TMED8: variants seen among roughly 807,000 people sequenced by gnomAD.
TMED8 encodes transmembrane p24 trafficking protein family member 8, also known as protein TMED8.
In TMED8, 15 loss-of-function variants were observed where a neutral mutation model predicts 32.7. That is an observed-to-expected ratio of 0.46 (90% CI 0.31 to 0.71). The LOEUF (loss-of-function observed/expected upper bound fraction) is 0.71, where lower values mean the gene tolerates loss of function less well. Among genes scored for constraint, TMED8 ranks in the 30% least tolerant of loss-of-function variants. The pLI is 0.06. For missense variants in TMED8, 390 were observed against 423.9 expected (o/e 0.92, Z 0.70); for synonymous variants, 147 against 161.4 (o/e 0.91, Z 0.68).
chr14:77,343,912 T>C, intron 3 of TMED8, 89 bp from the exon 4 acceptor site: 3 of 1,399,856 alleles, frequency 2.1e-6, no homozygotes, highest in Non-Finnish European at 1.9e-6. Flanking sequence ...ACCCCTGCTC[T>C]ATTATCTCCA....
In TMED8 at chr14:77,376,860, C is replaced by T. The variant is rs1893830628; in HGVS notation, c.118+76G>A. On this transcript the variant is annotated intron_variant, in intron 1 of 5. Transcript: ENST00000216468. The surrounding 1 kb of genome is among the most constrained non-coding windows in gnomAD (Gnocchi z 4.0). ...CCGCGGGGAAGCCCAGGACAGAGCG[C>T]GGCGGAGGCTCGCGCCGTGGTGCGG... 3.1e-6 allele frequency: 3 copies of T among 969,494 alleles called. No individual in the cohort carries two copies. Among genetic ancestry groups the T allele is most frequent in the South Asian group, 2.3e-5 (1 of 43,104 alleles). The allele number at this position is 969,494 out of a possible 1,614,324, so 60.1% of individuals were successfully genotyped here.
chr14:77,360,323 T>C (rs1357552019), intron 1 of TMED8, among the ~76,000 whole-genome samples: 3 of 152,090 alleles, frequency 2.0e-5, no homozygotes, highest in South Asian at 2.1e-4. Context: ...TCCTTTGACC[T>C]ACACCTCCCC....
intron 1 of TMED8, among the ~76,000 whole-genome samples, chr14:77,357,792 C>T (rs545359566): frequency 6.6e-6 from 1 of 152,268 alleles, no homozygotes; most frequent in South Asian, 2.1e-4. Context: ...TTGGAATCAA[C>T]TATTTCTCTA....
rs142204013 is a variant in TMED8 at position 77,339,441 on chromosome 14, A to G, written c.*2330T>C. On this transcript the variant is annotated 3_prime_UTR_variant, in exon 6 of 6. Coordinates refer to ENST00000216468, the MANE Select transcript of TMED8 (RefSeq NM_213601.3). ...AATCTCATGGTGAAAATAAATAATA[A>G]CAAGTGTTATCCTTGGGAGCTTGCT... is the stretch of plus-strand genomic sequence containing the variant. The G allele has an allele frequency of 1.3e-5, 2 of 152,340 alleles. No individual in the cohort carries two copies. Among genetic ancestry groups the G allele is most frequent in the Admixed American group, 1.3e-4 (2 of 15,314 alleles). 9.4% of individuals were successfully genotyped at this position (152,340 alleles called of 1,614,324 possible). A position where few individuals can be genotyped will look rare whatever the true frequency, so the allele number is the denominator to read the frequency against.
At chr14:77,350,263 C>A (rs778540119) in intron 2 of TMED8, among the ~76,000 whole-genome samples, 1 of 152,102 alleles carries the variant, frequency 6.6e-6, no homozygotes, top group Non-Finnish European at 1.5e-5. Flanking sequence ...TTGACGGCAA[C>A]TTAAGAGTCT....
In TMED8 at chr14:77,338,537, A is replaced by G. The variant is rs1210300881; in HGVS notation, c.*3234T>C. On this transcript the variant is annotated 3_prime_UTR_variant, in exon 6 of 6. Coordinates refer to ENST00000216468, the MANE Select transcript of TMED8 (RefSeq NM_213601.3). Reference sequence around the variant, plus strand: ...ACTCTTTGATCTACCTCTGACCTGGAAACCCCCATCTTCAAGATGTCCTGC... The same window carrying G: ...ACTCTTTGATCTACCTCTGACCTGGGAACCCCCATCTTCAAGATGTCCTGC... 1 of 152,270 alleles carries G rather than the reference A, an allele frequency of 6.6e-6. No homozygotes were observed. Among genetic ancestry groups the G allele is most frequent in the Non-Finnish European group, 1.5e-5 (1 of 68,054 alleles). 9.4% of individuals were successfully genotyped at this position (152,270 alleles called of 1,614,324 possible).
chr14:77,363,156 C>T (rs1226278347), intron 1 of TMED8, among the ~76,000 whole-genome samples: 1 of 152,190 alleles, frequency 6.6e-6, no homozygotes, highest in African/African-American at 2.4e-5. Context: ...TAGCAGAATA[C>T]ACATTCTTCT....
chr14:77,359,577 A>C (rs1028248818), intron 1 of TMED8: 14 of 415,742 alleles, frequency 3.4e-5, no homozygotes, highest in Admixed American at 2.9e-5. Context: ...AGTAAAACTG[A>C]AGAGTGGCTT....
chr14:77,347,376 G>A (rs1015893937), intron 2 of TMED8, among the ~76,000 whole-genome samples: 1 of 152,198 alleles, frequency 6.6e-6, no homozygotes. Context: ...TCAGTGCTAG[G>A]GGTCATCACT....
intron 3 of TMED8, among the ~76,000 whole-genome samples, chr14:77,345,623 G>A (rs979500224): frequency 2.9e-5 from 4 of 139,074 alleles, no homozygotes; most frequent in Admixed American, 8.1e-5. Context: ...CTGCACCATC[G>A]CACTGAAGCC....
Position 77,376,708 on chromosome 14 carries a change from GC to G in TMED8, c.118+227del, listed in dbSNP as rs950646080. 3.1e-6 allele frequency: 1 copy of G among 325,376 alleles called. No homozygotes were observed. The highest frequency in any genetic ancestry group is 2.2e-5 in the African/African-American group (1 of 46,242). 20.2% of individuals were successfully genotyped at this position (325,376 alleles called of 1,614,324 possible). On this transcript the variant is annotated intron_variant, in intron 1 of 5. Coordinates refer to ENST00000216468, the MANE Select transcript of TMED8 (RefSeq NM_213601.3). The surrounding 1 kb of genome is among the most constrained non-coding windows in gnomAD (Gnocchi z 4.0). ...CATTTGGGCAGATCTCAGAAAGGAA[GC>G]GGGGCAGGAATCAAGGCATTTCGAA...
chr14:77,355,370 AT>A (rs1472834093), intron 1 of TMED8, among the ~76,000 whole-genome samples: 2 of 151,762 alleles, frequency 1.3e-5, no homozygotes, highest in Admixed American at 1.3e-4. Flanking sequence ...AATTTTTTGT[AT>A]TTTTAGTAGA....
intron 4 of TMED8, 56 bp from the exon 5 acceptor site, chr14:77,343,539 G>C (rs753426241): frequency 8.1e-5 from 129 of 1,593,774 alleles, no homozygotes; most frequent in Non-Finnish European, 1.1e-4. Flanking sequence ...GAGTACCCCG[G>C]GCATTTTGCT....
intron 1 of TMED8, among the ~76,000 whole-genome samples, chr14:77,357,723 T>C (rs866721546): frequency 5.9e-5 from 9 of 152,328 alleles, no homozygotes; most frequent in Middle Eastern, 6.8e-3. Flanking sequence ...ATGACACCAC[T>C]GGTCTTGCTT....
In TMED8 at chr14:77,376,998, G is replaced by T; in HGVS notation, c.56C>A (p.Pro19Gln). ...GPGSWSPTAR[P>Q]GSAGGVGDCQ... ...GTCCCCGACGCCGCCAGCCGACCCT[G>T]GGCGGGCTGTGGGGCTCCAGGAGCC... Residue 19 changes from proline to glutamine, a missense_variant, in exon 1 of 6, where the codon CCA becomes CAA. Transcript: ENST00000216468. The surrounding 1 kb of genome is among the most constrained non-coding windows in gnomAD (Gnocchi z 4.0). 1.1e-5 allele frequency: 16 copies of T among 1,438,748 alleles called. No homozygotes were observed. The highest frequency in any genetic ancestry group is 1.4e-5 in the Non-Finnish European group (16 of 1,104,620). 89.1% of individuals were successfully genotyped at this position (1,438,748 alleles called of 1,614,324 possible).
At position 77,336,605 on chromosome 14, in the gene TMED8, T is replaced by C. The variant is rs187528658; in HGVS notation, c.*5166A>G. The C allele has an allele frequency of 2.0e-5, 3 of 152,254 alleles. No homozygotes were observed. Among genetic ancestry groups the C allele is most frequent in the Non-Finnish European group, 2.9e-5 (2 of 68,024 alleles). The allele number at this position is 152,254 out of a possible 1,614,324, so 9.4% of individuals were successfully genotyped here. A position where few individuals can be genotyped will look rare whatever the true frequency, so the allele number is the denominator to read the frequency against. On this transcript the variant is annotated 3_prime_UTR_variant, in exon 6 of 6. Transcript: ENST00000216468. Reference sequence around the variant, plus strand: ...GATTTCTGAGCAAAATTCTAAGATATATTCGATAGGTTTGCTCTCCCCTCC... The same window carrying C: ...GATTTCTGAGCAAAATTCTAAGATACATTCGATAGGTTTGCTCTCCCCTCC...
At chr14:77,346,894 G>T (rs1893061632) in intron 2 of TMED8, among the ~76,000 whole-genome samples, 2 of 151,442 alleles carry the variant, frequency 1.3e-5, no homozygotes, top group African/African-American at 2.4e-5. Flanking sequence ...ATTAAATTGA[G>T]CTAATTAACA....
At chr14:77,350,105 G>A (rs1053485522) in intron 2 of TMED8, among the ~76,000 whole-genome samples, 5 of 152,162 alleles carry the variant, frequency 3.3e-5, no homozygotes, top group African/African-American at 1.2e-4. Flanking sequence ...CTTCCTTGCT[G>A]TCCTTTTCTG....
intron 1 of TMED8, chr14:77,359,660 C>T (rs916523952): frequency 1.9e-4 from 59 of 318,310 alleles, no homozygotes; most frequent in Non-Finnish European, 2.6e-4. Context: ...CTGGCCTCAA[C>T]GCCATTCTGG....
Sources: allele counts gnomAD v4.1 joint callset (sites outside exome capture counted in the v4.1 genomes callset), GRCh38; gene constraint gnomAD v4.1.1; non-coding constraint Gnocchi (gnomAD v3.1); transcripts MANE v1.5; gene names NCBI Gene and HGNC (gene_info 2026-07-23, HGNC 2026-07-21).